MICU3: variants seen among roughly 807,000 people sequenced by gnomAD.
The protein encoded by MICU3 is mitochondrial calcium uptake 3, also known as calcium uptake protein 3, mitochondrial.
A neutral mutation model predicts 66.5 loss-of-function variants in MICU3; 62 were observed. The ratio of observed to expected loss-of-function variants is 0.93; its 90% confidence interval spans 0.76 to 1.15. The LOEUF (loss-of-function observed/expected upper bound fraction) is 1.15, where lower values mean the gene tolerates loss of function less well. Among genes scored for constraint, MICU3 ranks in the 50% most tolerant of loss-of-function variants. The pLI is 0.00. For missense variants in MICU3, 779 were observed against 664.4 expected (o/e 1.17, Z -1.90); for synonymous variants, 308 against 240.7 (o/e 1.28, Z -2.59).
At chr8:17,047,414 TGAGGAG>T (rs1432819660) in intron 1 of MICU3, among the ~76,000 whole-genome samples, 3 of 152,228 alleles carry the variant, frequency 2.0e-5, no homozygotes, top group Admixed American at 2.0e-4. Flanking sequence ...GGGTTACAGA[TGAGGAG>T]GAGAGAGAAT....
At chr8:17,066,421 G>T (rs1350360837) in intron 2 of MICU3, among the ~76,000 whole-genome samples, 1 of 149,966 alleles carries the variant, frequency 6.7e-6, no homozygotes, top group African/African-American at 2.5e-5. Context: ...TTTCTTGAAG[G>T]AAGGAATTTG....
downstream of MICU3, among the ~76,000 whole-genome samples, chr8:17,127,416 T>C (rs544534623): frequency 6.6e-6 from 1 of 152,338 alleles, no homozygotes; most frequent in Non-Finnish European, 1.5e-5. Flanking sequence ...GAAAGTGATG[T>C]CAAGACGTAT....
At chr8:17,084,252 T>G (rs554514621) in intron 5 of MICU3, among the ~76,000 whole-genome samples, 1 of 152,244 alleles carries the variant, frequency 6.6e-6, no homozygotes, top group South Asian at 2.1e-4. Context: ...TTTCAAGATC[T>G]TTTTAAAGTG....
chr8:17,027,916 C>G (rs1364360788), intron 1 of MICU3, among the ~76,000 whole-genome samples: 1 of 152,154 alleles, frequency 6.6e-6, no homozygotes, highest in Non-Finnish European at 1.5e-5. Context: ...AAACCCAAAA[C>G]CAACACCCCT....
chr8:17,135,445 TG>T, the MICU3 span, among the ~76,000 whole-genome samples: 5 of 151,938 alleles, frequency 3.3e-5, no homozygotes, highest in African/African-American at 9.7e-5. Context: ...ATCTGATTTT[TG>T]TTGGTATACA....
At chr8:17,116,675 AT>A (rs1802710876) in intron 13 of MICU3, 75 bp downstream of exon 13, 2 of 1,099,216 alleles carry the variant, frequency 1.8e-6, no homozygotes, top group Non-Finnish European at 2.6e-6. Flanking sequence ...AAGTTGAGAA[AT>A]AATTTATCTT....
At chr8:17,081,597 C>A (rs533018819) in intron 4 of MICU3, 96 bp from the exon 5 acceptor site, 3 of 355,422 alleles carry the variant, frequency 8.4e-6, no homozygotes, top group East Asian at 1.1e-4. Flanking sequence ...AAAATAATAT[C>A]TAGCATCTAT....
chr8:17,048,976 T>G (rs1815590873), intron 1 of MICU3, among the ~76,000 whole-genome samples: 1 of 152,176 alleles, frequency 6.6e-6, no homozygotes, highest in Non-Finnish European at 1.5e-5. Context: ...TTTATGAGCT[T>G]ATTATGGATC....
intron 1 of MICU3, among the ~76,000 whole-genome samples, chr8:17,035,493 T>C (rs1002742145): frequency 6.6e-6 from 1 of 152,208 alleles, no homozygotes; most frequent in Non-Finnish European, 1.5e-5. Flanking sequence ...TGATCTCTAA[T>C]GGAGACGAGG....
chr8:17,065,470 T>C (rs917545144), intron 2 of MICU3, among the ~76,000 whole-genome samples: 1 of 152,106 alleles, frequency 6.6e-6, no homozygotes, highest in Admixed American at 6.5e-5. Flanking sequence ...GATGAGAATA[T>C]AGATAACCAA....
intron 11 of MICU3, among the ~76,000 whole-genome samples, chr8:17,111,986 A>C (rs1325803677): frequency 6.6e-6 from 1 of 152,180 alleles, no homozygotes; most frequent in Admixed American, 6.5e-5. Context: ...GAAAGAGAGA[A>C]CACACAGGAA....
intron 1 of MICU3, among the ~76,000 whole-genome samples, chr8:17,055,169 G>A (rs540987745): frequency 6.6e-6 from 1 of 152,210 alleles, no homozygotes. Context: ...CCATGGCTAT[G>A]TCTAAGAATT....
At chr8:17,030,357 C>T (rs1811806483) in intron 1 of MICU3, among the ~76,000 whole-genome samples, 2 of 152,248 alleles carry the variant, frequency 1.3e-5, no homozygotes, top group African/African-American at 4.8e-5. Context: ...CATGTCCTTT[C>T]ATCTGCACGA....
At chr8:17,029,655 C>CATG (rs1811679680) in intron 1 of MICU3, among the ~76,000 whole-genome samples, 1 of 152,062 alleles carries the variant, frequency 6.6e-6, no homozygotes, top group South Asian at 2.1e-4. Flanking sequence ...TTTTGTATTT[C>CATG]CCTCTCTGAA....
chr8:17,074,066 T>A (rs1019957642), intron 3 of MICU3, among the ~76,000 whole-genome samples: 1 of 151,378 alleles, frequency 6.6e-6, no homozygotes, highest in East Asian at 1.9e-4. Flanking sequence ...TTTTTTTTTT[T>A]ATTTTTTATT....
intron 14 of MICU3, 62 bp downstream of exon 14, chr8:17,118,837 C>T (rs1802946337): frequency 1.0e-6 from 1 of 991,508 alleles, no homozygotes; most frequent in Non-Finnish European, 1.6e-6. Context: ...ATTTATTTTT[C>T]TGTTATAACA....
intron 1 of MICU3, among the ~76,000 whole-genome samples, chr8:17,048,022 A>G (rs1417044287): frequency 1.3e-5 from 2 of 152,202 alleles, no homozygotes; most frequent in Non-Finnish European, 2.9e-5. Context: ...ATGACGAGTT[A>G]AAGTGTTTCA....
rs528210810 is a variant in MICU3 at position 17,073,107 on chromosome 8, G to A, written c.567+3388G>A. Among the ~76,000 whole-genome samples, 3 of 151,866 alleles carry A rather than the reference G, an allele frequency of 2.0e-5. No individual in the cohort carries two copies. In the South Asian group the frequency reaches 6.2e-4, roughly 32 times the overall value. On this transcript the variant is annotated intron_variant, in intron 3 of 14. Transcript: ENST00000318063. ...GGTTTTGCTCTGTCACCCAGGCTGG[G>A]GTATATTTACTTTTGAGTGAAATTT...
chr8:17,106,654 A>C (rs962951864), intron 11 of MICU3, among the ~76,000 whole-genome samples: 5 of 151,938 alleles, frequency 3.3e-5, no homozygotes, highest in African/African-American at 1.2e-4. Context: ...CAATTTCTAG[A>C]AGTATCTTAA....
Sources: allele counts gnomAD v4.1 joint callset (sites outside exome capture counted in the v4.1 genomes callset), GRCh38; gene constraint gnomAD v4.1.1; transcripts MANE v1.5; gene names NCBI Gene and HGNC (gene_info 2026-07-23, HGNC 2026-07-21).